PTPRK: variants seen among roughly 807,000 people sequenced by gnomAD.
The protein encoded by PTPRK is protein tyrosine phosphatase receptor type K, also known as receptor-type tyrosine-protein phosphatase kappa.
PTPRK carries 75 observed loss-of-function variants against 178.0 expected under a neutral mutation model. That is an observed-to-expected ratio of 0.42 (90% CI 0.35 to 0.51). The LOEUF is 0.51. PTPRK is among the 20% of genes least tolerant of loss of function. PTPRK has a pLI of 0.02. For synonymous variants in PTPRK, 637 were observed against 620.6 expected (o/e 1.03, Z -0.39); for missense variants, 1,441 against 1,797.8 (o/e 0.80, Z 3.59).
At chr6:128,330,130 T>C (rs6904846) in intron 2 of PTPRK, among the ~76,000 whole-genome samples, 2,059 of 152,202 alleles carry the variant, frequency 0.014, 47 homozygotes, top group African/African-American at 0.045. Flanking sequence ...AAAGACACTA[T>C]ACAATAATAT....
intron 13 of PTPRK, among the ~76,000 whole-genome samples, chr6:128,022,327 C>T (rs1430438057): frequency 4.6e-5 from 7 of 152,048 alleles, no homozygotes; most frequent in Admixed American, 2.0e-4. Context: ...GCTGGAAGGT[C>T]GGGGGACAGA....
intron 18 of PTPRK, 113 bp downstream of exon 18, chr6:127,995,347 TAC>T (rs1777028171): frequency 1.3e-6 from 2 of 1,535,888 alleles, no homozygotes; most frequent in East Asian, 2.3e-5. Flanking sequence ...AGGAAAAGTG[TAC>T]AGTTTGTACT....
At position 127,998,444 on chromosome 6, in the gene PTPRK, GT is replaced by G. The variant is rs201991865; in HGVS notation, c.2679+275del. Among the ~76,000 whole-genome samples the G allele has an allele frequency of 1.9e-3, 287 of 151,000 alleles. 1 individual carries two copies. The highest frequency in any genetic ancestry group is 4.4e-3 in the Admixed American group (67 of 15,122). On this transcript the variant is annotated intron_variant, in intron 16 of 29. Transcript: ENST00000368226. ...TTTTGCATGGGGAGATACGCAAAGT[GT>G]TTTTTTTTAATACCATAGTAAAATA...
At chr6:128,039,719 T>C (rs1776845062) in intron 13 of PTPRK, among the ~76,000 whole-genome samples, 2 of 152,300 alleles carry the variant, frequency 1.3e-5, no homozygotes, top group South Asian at 4.1e-4. Flanking sequence ...GCTCATGATT[T>C]AACACAGATG....
At chr6:128,440,150 G>T (rs993325028) in intron 1 of PTPRK, among the ~76,000 whole-genome samples, 11 of 152,132 alleles carry the variant, frequency 7.2e-5, no homozygotes, top group African/African-American at 2.7e-4. Context: ...CATGGATTTT[G>T]GTATGGGCAA....
At chr6:128,048,697 T>G (rs1778497342) in intron 13 of PTPRK, among the ~76,000 whole-genome samples, 1 of 152,208 alleles carries the variant, frequency 6.6e-6, no homozygotes, top group South Asian at 2.1e-4. Context: ...AGACTTACAC[T>G]GTATTTGGTA....
intron 3 of PTPRK, among the ~76,000 whole-genome samples, chr6:128,300,224 A>T (rs1825333157): frequency 6.6e-6 from 1 of 152,142 alleles, no homozygotes; most frequent in African/African-American, 2.4e-5. Context: ...AGGAAACAAC[A>T]GGTGCTGGAG....
At chr6:128,471,744 C>T (rs896309693) in intron 1 of PTPRK, among the ~76,000 whole-genome samples, 4 of 151,536 alleles carry the variant, frequency 2.6e-5, no homozygotes, top group Non-Finnish European at 1.5e-5. Context: ...AAGCTAGTGG[C>T]CCAACAGGTG....
chr6:128,199,954 G>A (rs1562777370), intron 6 of PTPRK, among the ~76,000 whole-genome samples: 3 of 152,160 alleles, frequency 2.0e-5, no homozygotes, highest in Admixed American at 6.5e-5. Flanking sequence ...TCAAGTATAG[G>A]TTAGAAGGAG....
At chr6:128,199,007 T>G (rs1001046384) in intron 6 of PTPRK, among the ~76,000 whole-genome samples, 2 of 152,220 alleles carry the variant, frequency 1.3e-5, no homozygotes, top group Non-Finnish European at 2.9e-5. Context: ...TGAAACTTTA[T>G]GCTTGCAAGG....
At chr6:128,214,282 AGC>A (rs1808806058) in intron 6 of PTPRK, among the ~76,000 whole-genome samples, 1 of 152,140 alleles carries the variant, frequency 6.6e-6, no homozygotes, top group Non-Finnish European at 1.5e-5. Flanking sequence ...TGACCAAATA[AGC>A]TACGATCCTA....
At chr6:128,103,523 G>A (rs1789147465) in intron 7 of PTPRK, among the ~76,000 whole-genome samples, 2 of 152,120 alleles carry the variant, frequency 1.3e-5, no homozygotes, top group Non-Finnish European at 2.9e-5. Flanking sequence ...CCTGGTTCCT[G>A]CACCTGCCCA....
intron 16 of PTPRK, among the ~76,000 whole-genome samples, chr6:127,998,231 C>A (rs1777391818): frequency 6.6e-6 from 1 of 151,848 alleles, no homozygotes; most frequent in Non-Finnish European, 1.5e-5. Flanking sequence ...TTCTCAGCCA[C>A]CCTCAACCAA....
At chr6:128,192,881 A>G (rs1804077333) in intron 6 of PTPRK, among the ~76,000 whole-genome samples, 2 of 129,066 alleles carry the variant, frequency 1.5e-5, no homozygotes, top group Non-Finnish European at 3.3e-5. Flanking sequence ...GGAGGGGAGG[A>G]GAGGGAGGAA....
intron 1 of PTPRK, among the ~76,000 whole-genome samples, chr6:128,503,051 C>A (rs1023946372): frequency 1.3e-5 from 2 of 152,148 alleles, no homozygotes; most frequent in East Asian, 1.9e-4. Context: ...CGTGGTGAAA[C>A]CCCCGCCTCT....
chr6:128,475,637 A>G (rs974207103), intron 1 of PTPRK, among the ~76,000 whole-genome samples: 2 of 152,078 alleles, frequency 1.3e-5, no homozygotes, highest in Admixed American at 6.6e-5. Flanking sequence ...AAAACTCTGC[A>G]AAATTCATAA....
chr6:128,409,542 C>T (rs1328633822), intron 1 of PTPRK, among the ~76,000 whole-genome samples: 1 of 152,148 alleles, frequency 6.6e-6, no homozygotes, highest in Admixed American at 6.5e-5. Flanking sequence ...AACATTTTTA[C>T]TCATAGCCTG....
intron 3 of PTPRK, among the ~76,000 whole-genome samples, chr6:128,280,039 A>C (rs1316435805): frequency 6.6e-6 from 1 of 152,186 alleles, no homozygotes; most frequent in Non-Finnish European, 1.5e-5. Flanking sequence ...TATTAGCATC[A>C]ATTTTTTAAA....
At chr6:128,241,629 C>T (rs1814467624) in intron 4 of PTPRK, among the ~76,000 whole-genome samples, 1 of 152,154 alleles carries the variant, frequency 6.6e-6, no homozygotes, top group African/African-American at 2.4e-5. Flanking sequence ...CTGTTTTTTG[C>T]CTGGCTCTAC....
Sources: gnomAD v4.1 joint callset for allele counts (sites outside exome capture counted in the v4.1 genomes callset) on GRCh38, gnomAD v4.1.1 for gene constraint, MANE v1.5 for transcripts, NCBI Gene and HGNC (gene_info 2026-07-23, HGNC 2026-07-21) for gene names.